Variants in DOCK11 observed in about 807,000 individuals in gnomAD.
The protein encoded by DOCK11 is dedicator of cytokinesis protein 11.
Under a neutral mutation model 169.1 loss-of-function variants are expected in DOCK11, and 70 were observed. The ratio of observed to expected loss-of-function variants is 0.41; its 90% CI spans 0.34 to 0.51. The LOEUF is 0.51. DOCK11 is among the 20% of genes least tolerant of loss of function. DOCK11 has a pLI of 0.10. For synonymous variants in DOCK11, 529 were observed against 541.3 expected, an observed-to-expected ratio of 0.98 and a Z score of 0.32; for missense variants, 1,166 against 1,538.8, an observed-to-expected ratio of 0.76 and a Z score of 4.05.
intron 35 of DOCK11, among the ~76,000 whole-genome samples, chrX:118,634,520 G>A (rs1419536245): frequency 2.7e-5 from 3 of 111,918 alleles, no homozygotes; most frequent in African/African-American, 9.7e-5. Flanking sequence ...CCAGGTTTTC[G>A]CTGGAGAGGA....
At chrX:118,606,277 C>T (rs749446486) in intron 24 of DOCK11, among the ~76,000 whole-genome samples, 74 of 110,899 alleles carry the variant, frequency 6.7e-4, no homozygotes, top group African/African-American at 2.0e-3. Context: ...CCATGTTGGT[C>T]GGGCTGGTCT....
At chrX:118,616,189 A>G (rs780881476) in intron 30 of DOCK11, 1 of 947,804 alleles carries the variant, frequency 1.1e-6, no homozygotes, top group African/African-American at 2.0e-5. Context: ...TTTTCTTTTC[A>G]TATATTAATT....
intron 23 of DOCK11, among the ~76,000 whole-genome samples, chrX:118,603,289 G>A (rs2014397858): frequency 8.9e-6 from 1 of 112,886 alleles, no homozygotes; most frequent in South Asian, 3.7e-4. Context: ...GGCCGGGTAT[G>A]TCGTAGGCAT....
intron 32 of DOCK11, 99 bp downstream of exon 32, chrX:118,624,754 CTTTTTTTTTTTTT>C (rs368211104): frequency 4.3e-6 from 1 of 235,142 alleles, no homozygotes; most frequent in Non-Finnish European, 7.1e-6. Flanking sequence ...TAAGAGTTCA[CTTTTTTTTTTTTT>C]TTTTTTTTTG....
intron 31 of DOCK11, among the ~76,000 whole-genome samples, chrX:118,620,597 A>C (rs1341720688): frequency 8.9e-6 from 1 of 112,573 alleles, no homozygotes; most frequent in Non-Finnish European, 1.9e-5. Flanking sequence ...CACTTAGTGT[A>C]GTTGGCTCAG....
rs762299123 is a variant in DOCK11, at chrX:118,630,459, C to T, written c.3855C>T (p.Cys1285=). The change falls in exon 35 of 53, where the codon TGC becomes TGT. Residue 1285 remains cysteine (C), a synonymous_variant. Coordinates refer to ENST00000276202, the MANE Select transcript of DOCK11 (RefSeq NM_144658.4). ...ATGAAATCAGAAGCCTCCTGATGTG[C>T]TACCTGTATATAGTAAAAATGATTT... ...DQYEIRSLLM[C]YLYIVKMISE... 9 of 1,202,512 alleles carry T rather than the reference C, an allele frequency of 7.5e-6. No homozygotes were observed. In the African/African-American group the frequency reaches 1.4e-4, roughly 19 times the overall value.
intron 1 of DOCK11, among the ~76,000 whole-genome samples, chrX:118,501,670 C>T (rs2057576833): frequency 9.0e-6 from 1 of 111,376 alleles, no homozygotes; most frequent in Admixed American, 9.5e-5. Flanking sequence ...CCAAATCGTC[C>T]CCTTAGGATA....
intron 22 of DOCK11, among the ~76,000 whole-genome samples, chrX:118,598,550 C>T (rs1013684239): frequency 1.8e-4 from 20 of 111,720 alleles, no homozygotes; most frequent in African/African-American, 5.9e-4. Context: ...AACTGAGGCT[C>T]AGGCAGGTTA....
Position 118,624,546 on chromosome X carries a change from A to G in DOCK11, c.3479A>G (p.Gln1160Arg), listed in dbSNP as rs1349756601. Residue 1160 changes from glutamine (Q) to arginine (R), a missense_variant, in exon 32 of 53, where the codon CAA becomes CGA. Gln to Arg is a conservative substitution (Grantham distance 43). Coordinates refer to ENST00000276202, the MANE Select transcript of DOCK11 (RefSeq NM_144658.4). ...TCAATAATTATTTTTCAGAACCAAC[A>G]AGCCAAAATAGCACAATTGTACCTC... ...FDTRYQHKNQ[Q>R]AKIAQLYLPF... The G allele has an allele frequency of 6.7e-6, 8 of 1,193,123 alleles. No homozygotes were observed. Among genetic ancestry groups the G allele is most frequent in the Non-Finnish European group, 9.1e-6 (8 of 882,358 alleles).
At chrX:118,517,576 C>T (rs968982493) in intron 1 of DOCK11, among the ~76,000 whole-genome samples, 6 of 110,059 alleles carry the variant, frequency 5.5e-5, no homozygotes, top group Non-Finnish European at 9.5e-5. Context: ...TTATGTGACA[C>T]GCATGTGTGT....
At chrX:118,665,370 T>C (rs926826108) in intron 45 of DOCK11, among the ~76,000 whole-genome samples, 6 of 112,270 alleles carry the variant, frequency 5.3e-5, no homozygotes, top group Non-Finnish European at 9.4e-5. Flanking sequence ...AGTTAGATGA[T>C]TTCCCAGAGA....
chrX:118,660,492 C>T (rs1488476603), intron 44 of DOCK11, among the ~76,000 whole-genome samples: 1 of 110,379 alleles, frequency 9.1e-6, no homozygotes, highest in South Asian at 3.8e-4. Flanking sequence ...TTTGAGATGG[C>T]GTCTCGCTGT....
chrX:118,580,093 T>C lies in DOCK11; in HGVS notation c.1513-4T>C. The C allele has an allele frequency of 3.3e-6, 4 of 1,207,539 alleles. No individual in the cohort carries two copies. Among genetic ancestry groups the C allele is most frequent in the Non-Finnish European group, 4.5e-6 (4 of 893,139 alleles). ...CAAGCCTATCTTCTTGTTTCTGACC[T>C]TAGACGGCCCAGAAGGTGCACAGGA... On this transcript the variant is annotated splice_polypyrimidine_tract_variant and splice_region_variant and intron_variant, in intron 13 of 52. Transcript: ENST00000276202.
At chrX:118,532,559 T>C (rs2011618011) in intron 1 of DOCK11, among the ~76,000 whole-genome samples, 1 of 108,984 alleles carries the variant, frequency 9.2e-6, no homozygotes, top group Admixed American at 9.8e-5. Context: ...GGCGGGTGGA[T>C]CACGAGGTCA....
chrX:118,640,886 C>T (rs754975938), intron 38 of DOCK11, among the ~76,000 whole-genome samples: 5 of 111,570 alleles, frequency 4.5e-5, no homozygotes, highest in African/African-American at 1.3e-4. Context: ...CTCTGCCTCC[C>T]GGGTTCAAGT....
intron 21 of DOCK11, 23 bp from the exon 22 acceptor site, chrX:118,598,007 G>C: frequency 9.0e-7 from 1 of 1,114,697 alleles, no homozygotes; most frequent in Non-Finnish European, 1.2e-6. Flanking sequence ...TTATGTTATA[G>C]AATCTCAATT....
rs1307412336 is a variant in DOCK11, at chrX:118,681,164, T to A, written c.5778T>A (p.Thr1926=). 2 of 1,208,396 alleles carry A rather than the reference T, an allele frequency of 1.7e-6. No homozygotes were observed. The highest frequency in any genetic ancestry group is 3.6e-5 in the South Asian group (2 of 56,118). Residue 1926 remains threonine (T), a synonymous_variant, in exon 50 of 53, where the codon ACT becomes ACA. Transcript: ENST00000276202. ...CCACTGATGAAATAAAAGATAAAAC[T>A]GCAGAGCTGCAAAAGCTTTGCTCCT... is the stretch of plus-strand genomic sequence containing the variant. The part of the protein sequence containing the change: ...DVATDEIKDK[T]AELQKLCSST...
At position 118,624,582 on chromosome X, in the gene DOCK11, G is replaced by C. The variant is rs1257004653; in HGVS notation, c.3515G>C (p.Gly1172Ala). Residue 1172 changes from glycine to alanine, a missense_variant, in exon 32 of 53, where the codon GGA (glycine) becomes GCA (alanine). Gly to Ala is a moderately conservative substitution (Grantham distance 60). Transcript: ENST00000276202. ...KIAQLYLPFV[G>A]LLLENIQRLA... ...GCACAATTGTACCTCCCCTTTGTTG[G>C]ACTACTTTTGGAAAATATACAGCGA... The C allele has an allele frequency of 4.1e-6, 5 of 1,209,429 alleles. No individual in the cohort carries two copies. The South Asian group carries it at 7.1e-5, about 17-fold the overall frequency.
At chrX:118,638,601 G>A (rs1439526850) in intron 37 of DOCK11, among the ~76,000 whole-genome samples, 1 of 112,214 alleles carries the variant, frequency 8.9e-6, no homozygotes, top group East Asian at 2.8e-4. Context: ...AGATTCTAAG[G>A]TGAAGAAGGT....
Sources: gnomAD v4.1 joint callset for allele counts (sites outside exome capture counted in the v4.1 genomes callset) on GRCh38, gnomAD v4.1.1 for gene constraint, MANE v1.5 for transcripts, NCBI Gene and HGNC (gene_info 2026-07-23, HGNC 2026-07-21) for gene names.